The following PPFIA4 variants were observed in gnomAD, a reference collection of about 807,000 sequenced individuals.
PPFIA4 encodes the protein liprin-alpha-4.
PPFIA4 carries 98 observed loss-of-function variants against 145.7 expected under a neutral mutation model. That is an observed-to-expected ratio of 0.67 (90% CI 0.57 to 0.80). The LOEUF (loss-of-function observed/expected upper bound fraction) is 0.80, where lower values mean the gene tolerates loss of function less well. Among genes scored for constraint, PPFIA4 ranks in the 30% least tolerant of loss-of-function variants. The pLI is 0.00. For missense variants in PPFIA4, 1,457 were observed against 1,632.7 expected, an observed-to-expected ratio of 0.89 and a Z score of 1.85; for synonymous variants, 628 against 649.6, an observed-to-expected ratio of 0.97 and a Z score of 0.51.
At chr1:203,052,768 T>C (rs143205391) in intron 14 of PPFIA4, among the ~76,000 whole-genome samples, 62 of 152,272 alleles carry the variant, frequency 4.1e-4, no homozygotes, top group Middle Eastern at 3.4e-3. Context: ...ACTCTTCTGT[T>C]CTCCACCCTC....
At position 203,075,631 on chromosome 1, in the gene PPFIA4, C is replaced by G; in HGVS notation, c.3448C>G (p.Arg1150Gly). 11 of 1,487,894 alleles carry G rather than the reference C, an allele frequency of 7.4e-6. No homozygotes were observed. Among genetic ancestry groups the G allele is most frequent in the African/African-American group, 1.5e-5 (1 of 68,554 alleles). The allele number at this position is 1,487,894 out of a possible 1,614,324, so 92.2% of individuals were successfully genotyped here. The stretch of plus-strand genomic sequence containing the variant: ...CTCCTGGAGGAAGCGCTTCCGGCCG[C>G]GGGAGCACCACGGTCGCGGCGGCAT... Reference protein sequence around the residue: ...APSWRKRFRPREHHGRGGMLS... With the variant: ...APSWRKRFRPGEHHGRGGMLS... Residue 1150 changes from arginine (R) to glycine (G), a missense_variant, in exon 29 of 30, where the codon CGG (arginine) becomes GGG (glycine). Arg to Gly is a moderately radical substitution (Grantham distance 125). Coordinates refer to ENST00000295706, the MANE Select transcript of PPFIA4 (RefSeq NM_001304331.2). This position sits in a 1 kb window ranked among gnomAD's most constrained non-coding sequence, Gnocchi z 4.1.
At chr1:203,067,898 T>A in intron 26 of PPFIA4, 106 bp downstream of exon 26, 1 of 976,490 alleles carries the variant, frequency 1.0e-6, no homozygotes, top group Non-Finnish European at 1.6e-6. Context: ...AATCTTCCAG[T>A]CTGAAAAGGA....
At chr1:203,062,479 CAAAAAAAAA>C (rs34987795) in intron 24 of PPFIA4, among the ~76,000 whole-genome samples, 17 of 35,362 alleles carry the variant, frequency 4.8e-4, no homozygotes, top group South Asian at 1.8e-3. Context: ...GACTCCGTCT[CAAAAAAAAA>C]AAAAAAAAAA....
intron 19 of PPFIA4, 133 bp downstream of exon 19, chr1:203,057,083 A>G (rs1168309342): frequency 6.7e-7 from 1 of 1,494,696 alleles, no homozygotes. Context: ...GTTACCTCAG[A>G]TCTGCAGAAG....
intron 1 of PPFIA4, chr1:203,034,348 G>A (rs1659062541): frequency 2.3e-6 from 1 of 429,650 alleles, no homozygotes; most frequent in Admixed American, 2.5e-5. Context: ...CAGGAGAGGA[G>A]GTAGGGCTGG....
chr1:203,051,587 C>G, intron 13 of PPFIA4, 182 bp from the exon 14 acceptor site: 1 of 1,151,454 alleles, frequency 8.7e-7, no homozygotes, highest in East Asian at 2.9e-5. Flanking sequence ...CCTGGAGCAC[C>G]AGGGCATACG....
In PPFIA4 at chr1:203,039,103, A is replaced by G. The variant is rs754911157; in HGVS notation, c.95A>G (p.Asn32Ser). 6.2e-7 allele frequency: 1 copy of G among 1,608,188 alleles called. No homozygotes were observed. The highest frequency in any genetic ancestry group is 1.1e-5 in the South Asian group (1 of 90,254). The change falls in exon 2 of 30, where the codon AAC becomes AGC. Residue 32 changes from asparagine to serine, a missense_variant. This residue lies in a region of PPFIA4 where 463 missense variants were observed against 459.8 expected (regional missense o/e 1.01). Coordinates refer to ENST00000295706, the MANE Select transcript of PPFIA4 (RefSeq NM_001304331.2). ...ADANFEQLMVNMLDEREKLLE... is the reference protein window; with the variant it reads ...ADANFEQLMVSMLDEREKLLE... The stretch of plus-strand genomic sequence containing the variant: ...GCCAACTTCGAGCAGCTGATGGTGA[A>G]CATGCTGGACGAGCGGGAGAAGTTG...
intron 1 of PPFIA4, among the ~76,000 whole-genome samples, chr1:203,028,299 T>C (rs1045224756): frequency 2.6e-5 from 4 of 152,124 alleles, no homozygotes; most frequent in Non-Finnish European, 5.9e-5. Context: ...GGGCAGGGCA[T>C]GGCAGGCAGC....
At position 203,068,720 on chromosome 1, in the gene PPFIA4, T is replaced by A; in HGVS notation, c.3324+92T>A. ...CCTCATACACAAAGGCTTAGGTATC[T>A]TGGGGGGTGGGGAGCTTTTCTAGGG... is the stretch of plus-strand genomic sequence containing the variant. On this transcript the variant is annotated intron_variant, in intron 27 of 29. Coordinates refer to ENST00000295706, the MANE Select transcript of PPFIA4 (RefSeq NM_001304331.2). This position sits in a 1 kb window ranked among gnomAD's most constrained non-coding sequence, Gnocchi z 4.7. The A allele has an allele frequency of 7.6e-7, 1 of 1,315,380 alleles. No homozygotes were observed. Among genetic ancestry groups the A allele is most frequent in the Non-Finnish European group, 1.0e-6 (1 of 1,003,548 alleles). The allele number at this position is 1,315,380 out of a possible 1,614,324, so 81.5% of individuals were successfully genotyped here. A position where few individuals can be genotyped will look rare whatever the true frequency, so the allele number is the denominator to read the frequency against.
intron 26 of PPFIA4, 111 bp downstream of exon 26, chr1:203,067,903 A>G: frequency 1.1e-6 from 1 of 918,384 alleles, no homozygotes; most frequent in South Asian, 1.4e-5. Flanking sequence ...TCCAGTCTGA[A>G]AAGGAAGATG....
chr1:203,047,847 T>C (rs878892207), intron 9 of PPFIA4, among the ~76,000 whole-genome samples: 1 of 152,158 alleles, frequency 6.6e-6, no homozygotes, highest in Non-Finnish European at 1.5e-5. Context: ...ACCCAGGCGG[T>C]GTGGCATGAG....
At chr1:203,045,721 G>A in intron 7 of PPFIA4, 120 bp from the exon 8 acceptor site, 1 of 1,501,684 alleles carries the variant, frequency 6.7e-7, no homozygotes, top group Non-Finnish European at 9.0e-7. Context: ...GAAACTGACA[G>A]GAGAGTGTAG....
At position 203,076,584 on chromosome 1, in the gene PPFIA4, A is replaced by G. The variant is rs1662567698; in HGVS notation, c.*194A>G. ...CGAGTCCCACCGTGTGTCCGTTGTA[A>G]GTCCGGTGGATGTGGCTGGGGTTTC... On this transcript the variant is annotated 3_prime_UTR_variant, in exon 30 of 30. Transcript: ENST00000295706. 2 of 607,418 alleles carry G rather than the reference A, an allele frequency of 3.3e-6. No homozygotes were observed. Among genetic ancestry groups the G allele is most frequent in the Non-Finnish European group, 5.8e-6 (2 of 342,944 alleles). The allele number at this position is 607,418 out of a possible 1,614,324, so 37.6% of individuals were successfully genotyped here.
Position 203,048,993 on chromosome 1 carries a change from G to A in PPFIA4, c.1419+13G>A, listed in dbSNP as rs966850587. The A allele has an allele frequency of 1.4e-5, 22 of 1,548,242 alleles. No homozygotes were observed. The highest frequency in any genetic ancestry group is 2.1e-4 in the Middle Eastern group (1 of 4,760). On this transcript the variant is annotated intron_variant, in intron 12 of 29. Coordinates refer to ENST00000295706, the MANE Select transcript of PPFIA4 (RefSeq NM_001304331.2). The surrounding 1 kb of genome is among the most constrained non-coding windows in gnomAD (Gnocchi z 5.8). ...GCACCACCACAAGGTACCCGGCTGC[G>A]GCCAGCCCCGCCCAGCCTGGGAGGG...
chr1:203,036,201 T>G (rs921336694), intron 1 of PPFIA4, among the ~76,000 whole-genome samples: 1 of 152,196 alleles, frequency 6.6e-6, no homozygotes, highest in Non-Finnish European at 1.5e-5. Flanking sequence ...GGGTGCTTTC[T>G]ACTCTTCATT....
At chr1:203,046,204 T>G (rs1292620001) in intron 8 of PPFIA4, 44 bp from the exon 9 acceptor site, 1 of 1,557,126 alleles carries the variant, frequency 6.4e-7, no homozygotes, top group Non-Finnish European at 8.7e-7. Flanking sequence ...GGTGGGGGCT[T>G]CAGTGCTCCC....
At chr1:203,066,267 G>C (rs548564332) in intron 25 of PPFIA4, among the ~76,000 whole-genome samples, 72 of 152,306 alleles carry the variant, frequency 4.7e-4, no homozygotes, top group African/African-American at 1.7e-3. Context: ...GCAACATAAG[G>C]GTGGCTTGGG....
chr1:203,059,274 A>G lies in PPFIA4; in HGVS notation c.2501+3A>G. On this transcript the variant is annotated splice_donor_region_variant and intron_variant, in intron 20 of 29. Transcript: ENST00000295706. ...AAGGACCGGCGGCTAAAGAAGAAGT[A>G]AGAGCCACAGGCCAGGGTCTGCCAG... The G allele has an allele frequency of 2.0e-6, 3 of 1,507,114 alleles. No individual in the cohort carries two copies. Among genetic ancestry groups the G allele is most frequent in the Non-Finnish European group, 1.8e-6 (2 of 1,103,844 alleles). 93.4% of individuals were successfully genotyped at this position (1,507,114 alleles called of 1,614,324 possible).
intron 25 of PPFIA4, among the ~76,000 whole-genome samples, chr1:203,064,836 C>T (rs1240112070): frequency 6.6e-6 from 1 of 152,222 alleles, no homozygotes; most frequent in Non-Finnish European, 1.5e-5. Flanking sequence ...CTTGTGTTAC[C>T]TGCCTGTTCC....
Sources: gnomAD v4.1 joint callset for allele counts (sites outside exome capture counted in the v4.1 genomes callset) on GRCh38, gnomAD v4.1.1 for gene constraint, gnomAD v4.1.1 regional missense constraint, Gnocchi (gnomAD v3.1) non-coding constraint, MANE v1.5 for transcripts, NCBI Gene and HGNC (gene_info 2026-07-23, HGNC 2026-07-21) for gene names.